Variants in EML2 observed in about 807,000 individuals in gnomAD.
EML2 encodes echinoderm microtubule-associated protein-like 2.
EML2 carries 59 observed loss-of-function variants against 84.7 expected under a neutral mutation model. The observed-to-expected ratio is 0.70, with a 90% CI of 0.56 to 0.86. The LOEUF (loss-of-function observed/expected upper bound fraction) is 0.86, where lower values mean the gene tolerates loss of function less well. EML2 is among the 40% of genes least tolerant of loss of function. The probability of loss-of-function intolerance (pLI) is 0.00; values close to 1 mark genes in which losing one functional copy is unlikely to be tolerated. For synonymous variants in EML2, 352 were observed against 348.9 expected (o/e 1.01, Z -0.10); for missense variants, 818 against 855.6 (o/e 0.96, Z 0.55).
At position 45,629,402 on chromosome 19, in the gene EML2, C is replaced by T. The variant is rs192990675; in HGVS notation, c.606+549G>A. Among the ~76,000 whole-genome samples, 283 of 152,000 alleles carry T rather than the reference C, an allele frequency of 1.9e-3. 4 individuals are homozygous for T. Among genetic ancestry groups the T allele is most frequent in the African/African-American group, 6.0e-3 (248 of 41,464 alleles). On this transcript the variant is annotated intron_variant, in intron 7 of 18. Transcript: ENST00000245925. Reference sequence around the variant, plus strand: ...GTGCAATGGTGTGATCTTGGCTCACCGCAACCTCCGCCTCCGGGTTCAAGA... The same window carrying T: ...GTGCAATGGTGTGATCTTGGCTCACTGCAACCTCCGCCTCCGGGTTCAAGA...
At chr19:45,632,452 T>TA (rs1285258772) in intron 6 of EML2, 1 of 181,286 alleles carries the variant, frequency 5.5e-6, no homozygotes, top group African/African-American at 2.4e-5. Flanking sequence ...GTGCTGGGAT[T>TA]ACAGGCACAA....
chr19:45,624,869 C>T (rs766210072), intron 8 of EML2, 51 bp from the exon 9 acceptor site: 1 of 1,373,478 alleles, frequency 7.3e-7, no homozygotes, highest in Admixed American at 1.9e-5. Context: ...AAGCAGGTAG[C>T]CTCCCAGAGG....
intron 1 of EML2, 70 bp downstream of exon 1, chr19:45,639,287 G>A: frequency 7.5e-7 from 1 of 1,330,832 alleles, no homozygotes; most frequent in Non-Finnish European, 9.8e-7. Context: ...CCAGGGGTTG[G>A]GTGAAACCTG....
intron 9 of EML2, 145 bp from the exon 10 acceptor site, chr19:45,621,782 T>C: frequency 1.0e-6 from 1 of 966,294 alleles, no homozygotes. Flanking sequence ...AGTCTCTCTG[T>C]TGCCCAGGCT....
At chr19:45,632,815 C>T (rs1270370735) in intron 6 of EML2, 46 bp downstream of exon 6, 3 of 1,558,834 alleles carry the variant, frequency 1.9e-6, no homozygotes, top group Admixed American at 1.8e-5. Context: ...CACTTGCCCT[C>T]CTTTTCGGGG....
chr19:45,627,606 G>A (rs893770393), intron 7 of EML2, among the ~76,000 whole-genome samples: 17 of 152,128 alleles, frequency 1.1e-4, no homozygotes, highest in Non-Finnish European at 2.4e-4. Context: ...ACAAGCCAGC[G>A]AAGCATTATC....
Position 45,621,513 on chromosome 19 carries a change from A to G in EML2, c.966T>C (p.Gly322=), listed in dbSNP as rs764488989. ...GGRDRRVVLW[G]SDYSKLQEVE... is the part of the protein sequence containing the mutation. ...CTTCCTGCAGCTTGCTGTAGTCAGA[A>G]CCCCAGAGGACCACCCGCCGATCAC... is the stretch of plus-strand genomic sequence containing the variant. The change falls in exon 10 of 19, where the codon GGT becomes GGC. Residue 322 remains glycine, a synonymous_variant. Transcript: ENST00000245925. 5.6e-6 allele frequency: 9 copies of G among 1,609,784 alleles called. No homozygotes were observed. The Admixed American group carries it at 1.5e-4, about 27-fold the overall frequency.
chr19:45,644,865 CCTCAA>C, upstream of EML2: 1 of 446,046 alleles, frequency 2.2e-6, no homozygotes, highest in South Asian at 1.6e-5. Context: ...CACACTCTGC[CCTCAA>C]CTCAACACCA....
In EML2 at chr19:45,613,678, G is replaced by T. The variant is rs759736912; in HGVS notation, c.1694-7C>A. On this transcript the variant is annotated splice_region_variant and splice_polypyrimidine_tract_variant and intron_variant, in intron 17 of 18. Coordinates refer to ENST00000245925, the MANE Select transcript of EML2 (RefSeq NM_012155.4). ...GCCCCCTCAGACCAGATCCCTGTGG[G>T]CAAGATGAAGGGAAGTGGTAAGATG... The T allele has an allele frequency of 4.3e-6, 7 of 1,610,650 alleles. No homozygotes were observed. The South Asian group carries it at 7.7e-5, about 18-fold the overall frequency.
rs1973468185 is a variant in EML2, at chr19:45,634,447, G to A, written c.204C>T (p.Cys68=). ...TGGGCAGCAAATAAAGGTTGGCCCG[G>A]CAGTCTCGGCCACGGTAGCCATAGC... The part of the protein sequence containing the change: ...EWVYGYRGRD[C]RANLYLLPTG... The change falls in exon 4 of 19, where the codon TGC becomes TGT. Residue 68 remains cysteine (C), a synonymous_variant. Transcript: ENST00000245925. 1 of 1,612,674 alleles carries A rather than the reference G, an allele frequency of 6.2e-7. No homozygotes were observed. Among genetic ancestry groups the A allele is most frequent in the Non-Finnish European group, 8.5e-7 (1 of 1,179,544 alleles).
chr19:45,616,959 ACCTGGG>A (rs1381553194), intron 13 of EML2, 106 bp from the exon 14 acceptor site: 1 of 839,238 alleles, frequency 1.2e-6, no homozygotes, highest in African/African-American at 1.7e-5. Context: ...CCCAGAAGTG[ACCTGGG>A]CTGGGCACGG....
chr19:45,645,283 T>C, upstream of EML2: 1 of 1,533,446 alleles, frequency 6.5e-7, no homozygotes, highest in Non-Finnish European at 8.7e-7. Flanking sequence ...CGTTGCAGTA[T>C]CGCAGCAGCG....
intron 18 of EML2, among the ~76,000 whole-genome samples, 177 bp from the exon 19 acceptor site, chr19:45,609,965 G>A (rs1344393155): frequency 6.6e-6 from 1 of 151,840 alleles, no homozygotes; most frequent in Non-Finnish European, 1.5e-5. Flanking sequence ...GACCTCCTGG[G>A]CTGAAGGGAT....
chr19:45,622,534 G>A (rs988047372), intron 9 of EML2, among the ~76,000 whole-genome samples: 3 of 152,096 alleles, frequency 2.0e-5, no homozygotes, highest in Non-Finnish European at 4.4e-5. Context: ...GGGTTTAAGC[G>A]ATTCTCATGT....
At chr19:45,639,134 T>TC in intron 1 of EML2, 1 of 661,812 alleles carries the variant, frequency 1.5e-6, no homozygotes. Context: ...AAGAAGGGAG[T>TC]CACCAAGGAC....
At chr19:45,617,012 G>A (rs1179441746) in intron 13 of EML2, among the ~76,000 whole-genome samples, 159 bp from the exon 14 acceptor site, 1 of 152,170 alleles carries the variant, frequency 6.6e-6, no homozygotes, top group African/African-American at 2.4e-5. Flanking sequence ...CTGGGAGGCC[G>A]AGGCGGGTGG....
upstream of EML2, chr19:45,639,422 G>T (rs982097175): frequency 3.2e-6 from 4 of 1,248,038 alleles, no homozygotes; most frequent in Non-Finnish European, 4.0e-6. Flanking sequence ...AGCCGGGACC[G>T]GCTCTGCCGC....
chr19:45,645,342 C>T (rs1430154709), upstream of EML2: 6 of 1,531,160 alleles, frequency 3.9e-6, no homozygotes, highest in African/African-American at 2.8e-5. Flanking sequence ...TCCGCCATCG[C>T]CCCACCACAG....
Position 45,634,515 on chromosome 19 carries a change from GTTGT to G in EML2, c.180-48_180-45del, listed in dbSNP as rs755941649. 2,476 of 1,412,926 alleles carry G rather than the reference GTTGT, an allele frequency of 1.8e-3. 9 individuals are homozygous for G. Among genetic ancestry groups the G allele is most frequent in the Non-Finnish European group, 2.0e-3 (2,100 of 1,076,400 alleles). 87.5% of individuals were successfully genotyped at this position (1,412,926 alleles called of 1,614,324 possible). On this transcript the variant is annotated intron_variant, in intron 3 of 18. Coordinates refer to ENST00000245925, the MANE Select transcript of EML2 (RefSeq NM_012155.4). ...TGGTTAAGGAATGTGTTTTGTTGTT[GTTGT>G]TTGTTTGTTTTGTTTTTATTTATTT... is the stretch of plus-strand genomic sequence containing the variant.
Sources: gnomAD v4.1 joint callset for allele counts (sites outside exome capture counted in the v4.1 genomes callset) on GRCh38, gnomAD v4.1.1 for gene constraint, MANE v1.5 for transcripts, NCBI Gene and HGNC (gene_info 2026-07-23, HGNC 2026-07-21) for gene names.